The following SNX29 variants were observed in gnomAD, a reference collection of about 807,000 sequenced individuals.
The protein encoded by SNX29 is sorting nexin-29.
A neutral mutation model predicts 102.1 loss-of-function variants in SNX29; 78 were observed. The observed-to-expected ratio is 0.76, with a 90% CI of 0.64 to 0.92. The LOEUF (loss-of-function observed/expected upper bound fraction) is 0.92. SNX29 is among the 40% of genes least tolerant of loss of function. The pLI, the probability that SNX29 is intolerant of heterozygous loss-of-function variation, is 0.00. For missense variants in SNX29, 1,280 were observed against 1,061.7 expected (o/e 1.21, Z -2.86); for synonymous variants, 580 against 414.5 (o/e 1.40, Z -4.85).
chr16:12,199,252 A>T (rs1226396719), intron 13 of SNX29, among the ~76,000 whole-genome samples: 1 of 152,214 alleles, frequency 6.6e-6, no homozygotes, highest in Non-Finnish European at 1.5e-5. Flanking sequence ...ATGCTTCTGC[A>T]AATGGAGAGA....
intron 15 of SNX29, among the ~76,000 whole-genome samples, chr16:12,316,963 C>T (rs2080764931): frequency 6.6e-6 from 1 of 152,216 alleles, no homozygotes; most frequent in African/African-American, 2.4e-5. Context: ...GTGGCTAGGG[C>T]AGGAGCCCAT....
chr16:12,092,484 G>T (rs540418140), intron 11 of SNX29, among the ~76,000 whole-genome samples: 2 of 152,280 alleles, frequency 1.3e-5, no homozygotes, highest in South Asian at 4.1e-4. Flanking sequence ...TCAAGGGAGT[G>T]GATTTTCACC....
chr16:12,360,873 A>C (rs1030796948), intron 16 of SNX29, among the ~76,000 whole-genome samples: 1 of 152,234 alleles, frequency 6.6e-6, no homozygotes, highest in Non-Finnish European at 1.5e-5. Context: ...TGAGGTTCAG[A>C]GAAGCCTCCA....
At chr16:12,270,510 G>C (rs955669039) in intron 14 of SNX29, among the ~76,000 whole-genome samples, 2 of 152,120 alleles carry the variant, frequency 1.3e-5, no homozygotes, top group Non-Finnish European at 2.9e-5. Context: ...TAGCCTCATG[G>C]GATGAATGGT....
At position 12,303,570 on chromosome 16, in the gene SNX29, A is replaced by G. The variant is rs778390489; in HGVS notation, c.1782+25534A>G. Among the ~76,000 whole-genome samples, 29 of 152,210 alleles carry G rather than the reference A, an allele frequency of 1.9e-4. 1 individual carries two copies. The highest frequency in any genetic ancestry group is 1.2e-3 in the Admixed American group (18 of 15,282). ...AGAATTCACACTTGTGGGAAGCTAT[A>G]CGGAAAGGCAAGGGCATGGTAACCA... is the stretch of plus-strand genomic sequence containing the variant. On this transcript the variant is annotated intron_variant, in intron 15 of 20. Coordinates refer to ENST00000566228, the MANE Select transcript of SNX29 (RefSeq NM_032167.5).
At position 12,491,519 on chromosome 16, in the gene SNX29, T is replaced by TTA. The variant is rs567348212; in HGVS notation, c.2178+13660_2178+13661insTA. ...TTTTGTTGCTGCTGTTGTTTTTTTT[T>TTA]ATGTGACTTATTTTTTTTTATTATT... On this transcript the variant is annotated intron_variant, in intron 19 of 20. Coordinates refer to ENST00000566228, the MANE Select transcript of SNX29 (RefSeq NM_032167.5). 2.3e-3 allele frequency among the ~76,000 whole-genome samples: 355 copies of TTA among 152,324 alleles called. 3 individuals carry two copies. The highest frequency in any genetic ancestry group is 6.8e-3 in the Middle Eastern group (2 of 294).
chr16:12,377,679 T>C (rs569738657), intron 16 of SNX29, among the ~76,000 whole-genome samples: 2 of 152,238 alleles, frequency 1.3e-5, no homozygotes, highest in East Asian at 3.9e-4. Flanking sequence ...GTTACGGTGG[T>C]GATGGGAATG....
Position 12,568,657 on chromosome 16 carries a change from T to C in SNX29, c.*28T>C, listed in dbSNP as rs780923695. ...TCGACAAAACCGCAGCCACGGGCCC[T>C]GTGCGTGGCACCAGCTGCGTCCACC... On this transcript the variant is annotated 3_prime_UTR_variant, in exon 21 of 21. Transcript: ENST00000566228. 2.5e-6 allele frequency: 4 copies of C among 1,597,542 alleles called. No homozygotes were observed. Among genetic ancestry groups the C allele is most frequent in the Admixed American group, 1.7e-5 (1 of 59,762 alleles).
chr16:12,093,187 G>A (rs2052630238), intron 11 of SNX29, among the ~76,000 whole-genome samples: 1 of 152,206 alleles, frequency 6.6e-6, no homozygotes, highest in Admixed American at 6.5e-5. Flanking sequence ...TATTAGATAT[G>A]TAAATCCTTT....
At position 12,184,738 on chromosome 16, in the gene SNX29, G is replaced by A. The variant is rs59859623; in HGVS notation, c.1596-14863G>A. On this transcript the variant is annotated intron_variant, in intron 13 of 20. Transcript: ENST00000566228. Reference sequence around the variant, plus strand: ...ACACTCCCTAGAAATGCCTTCTGTAGTTCTCATGTAATTCATCCCCAAGGC... The same window carrying A: ...ACACTCCCTAGAAATGCCTTCTGTAATTCTCATGTAATTCATCCCCAAGGC... Among the ~76,000 whole-genome samples, 73 of 152,310 alleles carry A rather than the reference G, an allele frequency of 4.8e-4. No homozygotes were observed. In the East Asian group the frequency reaches 0.013, roughly 26 times the overall value.
At chr16:12,480,883 T>C (rs2087874855) in intron 19 of SNX29, among the ~76,000 whole-genome samples, 1 of 152,092 alleles carries the variant, frequency 6.6e-6, no homozygotes, top group African/African-American at 2.4e-5. Context: ...TTGTTGTTTG[T>C]TTGGTTTTTT....
intron 16 of SNX29, among the ~76,000 whole-genome samples, chr16:12,383,570 G>A (rs1381308294): frequency 1.3e-5 from 2 of 151,634 alleles, no homozygotes; most frequent in Non-Finnish European, 2.9e-5. Flanking sequence ...CCGAGTAGCT[G>A]GGATTACAGG....
intron 14 of SNX29, among the ~76,000 whole-genome samples, chr16:12,200,257 C>A (rs1353427290): frequency 1.3e-5 from 2 of 152,034 alleles, no homozygotes; most frequent in African/African-American, 4.8e-5. Flanking sequence ...ATCAGAAATT[C>A]CAGCAGATAG....
chr16:12,535,481 C>T (rs1325888686), intron 20 of SNX29, among the ~76,000 whole-genome samples: 1 of 152,114 alleles, frequency 6.6e-6, no homozygotes, highest in African/African-American at 2.4e-5. Flanking sequence ...TGTTACTGTC[C>T]CTTTTTTCCA....
At position 12,416,851 on chromosome 16, in the gene SNX29, C is replaced by T. The variant is rs983819792; in HGVS notation, c.2037+13322C>T. 7.2e-5 allele frequency among the ~76,000 whole-genome samples: 11 copies of T among 152,212 alleles called. No homozygotes were observed. In the South Asian group the frequency reaches 2.3e-3, roughly 31 times the overall value. The stretch of plus-strand genomic sequence containing the variant: ...CACCAAGCCATTCATGAGGCATCTG[C>T]CCCATGCCCCAGACACCTCCCACTA... On this transcript the variant is annotated intron_variant, in intron 18 of 20. Transcript: ENST00000566228.
chr16:12,426,097 A>T lies in SNX29; in HGVS notation c.2037+22568A>T, dbSNP rs539984154. On this transcript the variant is annotated intron_variant, in intron 18 of 20. Coordinates refer to ENST00000566228, the MANE Select transcript of SNX29 (RefSeq NM_032167.5). Reference sequence around the variant, plus strand: ...TTTAGTTATCTTATTTTTTTTTTTTAAAAAGATACAGTACTGTTTTAATAC... The same window carrying T: ...TTTAGTTATCTTATTTTTTTTTTTTTAAAAGATACAGTACTGTTTTAATAC... 6.0e-3 allele frequency among the ~76,000 whole-genome samples: 911 copies of T among 151,050 alleles called. 4 individuals carry two copies. The highest frequency in any genetic ancestry group is 0.017 in the East Asian group (89 of 5,172).
chr16:12,301,893 C>T (rs1442769807), intron 15 of SNX29, among the ~76,000 whole-genome samples: 2 of 152,236 alleles, frequency 1.3e-5, no homozygotes, highest in Non-Finnish European at 2.9e-5. Context: ...ACTTGATAGT[C>T]ACACTATCAC....
chr16:12,181,767 G>T (rs990966920), intron 13 of SNX29, among the ~76,000 whole-genome samples: 1 of 152,068 alleles, frequency 6.6e-6, no homozygotes, highest in South Asian at 2.1e-4. Context: ...TGTGTTCTAC[G>T]CAGATACCAT....
chr16:12,229,547 CCTT>C (rs1028787023), intron 14 of SNX29, among the ~76,000 whole-genome samples: 8 of 152,060 alleles, frequency 5.3e-5, no homozygotes, highest in Non-Finnish European at 1.0e-4. Flanking sequence ...CCCAAATAAA[CCTT>C]CTTCCTACCA....
Sources: gnomAD v4.1 joint callset for allele counts (sites outside exome capture counted in the v4.1 genomes callset) on GRCh38, gnomAD v4.1.1 for gene constraint, MANE v1.5 for transcripts, NCBI Gene and HGNC (gene_info 2026-07-23, HGNC 2026-07-21) for gene names.